GRM7: variants seen among roughly 807,000 people sequenced by gnomAD.
GRM7 encodes metabotropic glutamate receptor 7.
GRM7 carries 35 observed loss-of-function variants against 84.5 expected under a neutral mutation model. That is an observed-to-expected ratio of 0.41 (90% CI 0.32 to 0.55). The LOEUF (loss-of-function observed/expected upper bound fraction) is 0.55. Ranked by LOEUF, GRM7 falls within the 20% of genes least tolerant of loss-of-function variation. GRM7 has a pLI of 0.19. For synonymous variants in GRM7, 487 were observed against 455.1 expected (o/e 1.07, Z -0.89); for missense variants, 1,003 against 1,194.6 (o/e 0.84, Z 2.36).
At chr3:7,223,120 T>C (rs887031239) in intron 2 of GRM7, among the ~76,000 whole-genome samples, 6 of 152,304 alleles carry the variant, frequency 3.9e-5, no homozygotes, top group Admixed American at 2.6e-4. Context: ...TGCTTTTTTT[T>C]CCCTGTTAAC....
At chr3:7,485,392 C>G (rs758370246) in intron 7 of GRM7, among the ~76,000 whole-genome samples, 1 of 152,116 alleles carries the variant, frequency 6.6e-6, no homozygotes, top group Admixed American at 6.6e-5. Context: ...CTGGCCATAT[C>G]TATTAGATTC....
intron 2 of GRM7, among the ~76,000 whole-genome samples, chr3:7,240,579 C>T (rs1482132049): frequency 6.6e-6 from 1 of 152,132 alleles, no homozygotes; most frequent in East Asian, 1.9e-4. Context: ...ATGTCTCAGG[C>T]TTCAAACCTG....
chr3:7,071,953 T>A (rs192639851), intron 1 of GRM7, among the ~76,000 whole-genome samples: 5 of 152,030 alleles, frequency 3.3e-5, no homozygotes, highest in African/African-American at 4.8e-5. Flanking sequence ...CAAAAAAATT[T>A]AAAAAAAAGA....
At chr3:7,632,660 C>G (rs1322642017) in intron 8 of GRM7, among the ~76,000 whole-genome samples, 1 of 152,074 alleles carries the variant, frequency 6.6e-6, no homozygotes, top group East Asian at 1.9e-4. Flanking sequence ...GGGAGCAAAT[C>G]CCTAAAAAGG....
chr3:7,288,569 C>G (rs756976963), intron 2 of GRM7, among the ~76,000 whole-genome samples: 49 of 152,266 alleles, frequency 3.2e-4, no homozygotes, highest in Admixed American at 1.1e-3. Flanking sequence ...CATACCCCCA[C>G]TTCTGTCTAT....
At chr3:7,186,026 A>G (rs1210818434) in intron 2 of GRM7, among the ~76,000 whole-genome samples, 2 of 152,060 alleles carry the variant, frequency 1.3e-5, no homozygotes, top group African/African-American at 4.8e-5. Flanking sequence ...TACAATTTTC[A>G]TACCAAAATG....
chr3:7,542,401 C>G (rs972037844), intron 7 of GRM7, among the ~76,000 whole-genome samples: 1 of 152,142 alleles, frequency 6.6e-6, no homozygotes, highest in East Asian at 1.9e-4. Flanking sequence ...CCATGGACTT[C>G]CTATAGCCTG....
intron 5 of GRM7, among the ~76,000 whole-genome samples, chr3:7,441,080 C>T (rs945871021): frequency 5.3e-5 from 8 of 152,156 alleles, no homozygotes; most frequent in African/African-American, 1.9e-4. Context: ...AAACTGCTTT[C>T]CACAGTGGCT....
At chr3:7,533,141 C>T (rs768441003) in intron 7 of GRM7, among the ~76,000 whole-genome samples, 2 of 152,102 alleles carry the variant, frequency 1.3e-5, no homozygotes, top group Non-Finnish European at 2.9e-5. Context: ...CTGGACCAAG[C>T]AGACCGAATA....
At position 6,906,153 on chromosome 3, in the gene GRM7, C is replaced by T. The variant is rs75989204; in HGVS notation, c.519+44246C>T. Among the ~76,000 whole-genome samples the T allele has an allele frequency of 8.6e-3, 1,310 of 152,264 alleles. 24 individuals are homozygous for T. The highest frequency in any genetic ancestry group is 0.029 in the African/African-American group (1,225 of 41,550). On this transcript the variant is annotated intron_variant, in intron 1 of 9. Coordinates refer to ENST00000357716, the MANE Select transcript of GRM7 (RefSeq NM_000844.4). ...AGCAGGGTGAGATCTTGTCAGATGA[C>T]GCCTCACTTACATCTTTCATGGTTG...
chr3:7,454,664 A>T (rs966985811), intron 6 of GRM7, among the ~76,000 whole-genome samples: 1 of 152,132 alleles, frequency 6.6e-6, no homozygotes, highest in Non-Finnish European at 1.5e-5. Context: ...ATAATTATAT[A>T]TATTGCGGAT....
At chr3:7,540,378 C>G (rs898775251) in intron 7 of GRM7, among the ~76,000 whole-genome samples, 8 of 152,038 alleles carry the variant, frequency 5.3e-5, no homozygotes, top group Non-Finnish European at 1.2e-4. Flanking sequence ...CATATTCATT[C>G]AATGAAATAC....
chr3:7,694,909 C>T (rs2125153714), intron 9 of GRM7, among the ~76,000 whole-genome samples: 1 of 152,212 alleles, frequency 6.6e-6, no homozygotes, highest in African/African-American at 2.4e-5. Flanking sequence ...AAAAGGTCAC[C>T]TGTATTTAAC....
At chr3:7,130,757 G>A (rs1340790196) in intron 1 of GRM7, among the ~76,000 whole-genome samples, 1 of 152,132 alleles carries the variant, frequency 6.6e-6, no homozygotes, top group South Asian at 2.1e-4. Context: ...GTAATTGGAA[G>A]ATGATATGGT....
At chr3:7,651,595 C>T (rs1387947654) in intron 8 of GRM7, among the ~76,000 whole-genome samples, 1 of 152,184 alleles carries the variant, frequency 6.6e-6, no homozygotes, top group Non-Finnish European at 1.5e-5. Flanking sequence ...AAAGAATCCT[C>T]AGTCCTGGCT....
At chr3:7,466,993 T>A (rs965306940) in intron 7 of GRM7, among the ~76,000 whole-genome samples, 1 of 152,214 alleles carries the variant, frequency 6.6e-6, no homozygotes, top group African/African-American at 2.4e-5. Context: ...TTTGTTAATA[T>A]ATAAAATCAT....
chr3:6,993,778 G>A (rs1254937118), intron 1 of GRM7, among the ~76,000 whole-genome samples: 5 of 152,168 alleles, frequency 3.3e-5, no homozygotes, highest in African/African-American at 1.2e-4. Context: ...AGGGCTTAAC[G>A]ATGGATTACA....
intron 4 of GRM7, among the ~76,000 whole-genome samples, chr3:7,326,875 A>G (rs1408301818): frequency 1.3e-5 from 2 of 152,112 alleles, no homozygotes; most frequent in Middle Eastern, 3.4e-3. Flanking sequence ...TTTGCCCACA[A>G]TCTATCCTCA....
At position 6,914,895 on chromosome 3, in the gene GRM7, G is replaced by T. The variant is rs1575008448; in HGVS notation, c.519+52988G>T. On this transcript the variant is annotated intron_variant, in intron 1 of 9. Transcript: ENST00000357716. ...CCCATCTCTATTCAAGACCAGTGTG[G>T]CCCCTATCGTTCTTTGCACAACATT... Among the ~76,000 whole-genome samples, 3 of 152,074 alleles carry T rather than the reference G, an allele frequency of 2.0e-5. No individual in the cohort carries two copies. The East Asian group carries it at 5.8e-4, about 29-fold the overall frequency.
Sources: gnomAD v4.1 joint callset for allele counts (sites outside exome capture counted in the v4.1 genomes callset) on GRCh38, gnomAD v4.1.1 for gene constraint, MANE v1.5 for transcripts, NCBI Gene and HGNC (gene_info 2026-07-23, HGNC 2026-07-21) for gene names.